Variants in PTPN2 observed in about 807,000 individuals in gnomAD.
The protein encoded by PTPN2 is protein tyrosine phosphatase non-receptor type 2, also known as tyrosine-protein phosphatase non-receptor type 2.
PTPN2 carries 19 observed loss-of-function variants against 57.3 expected under a neutral mutation model. That is an observed-to-expected ratio of 0.33 (90% CI 0.23 to 0.49). PTPN2 has a LOEUF of 0.49. Ranked by LOEUF, PTPN2 falls within the 20% of genes least tolerant of loss-of-function variation. The pLI, the probability that PTPN2 is intolerant of heterozygous loss-of-function variation, is 0.99. For missense variants in PTPN2, 358 were observed against 501.1 expected (o/e 0.71, Z 2.73); for synonymous variants, 153 against 164.9 (o/e 0.93, Z 0.55).
intron 5 of PTPN2, among the ~76,000 whole-genome samples, chr18:12,820,331 T>A (rs7242788): frequency 0.29 from 43,530 of 151,924 alleles, 6,799 homozygotes; most frequent in South Asian, 0.55. Context: ...AGAAACAAGA[T>A]TAAAAAAACA....
chr18:12,878,615 T>C (rs1269396513), intron 1 of PTPN2, among the ~76,000 whole-genome samples: 1 of 151,972 alleles, frequency 6.6e-6, no homozygotes. Context: ...GAGGTTGCAG[T>C]GAGCTGAGAT....
intron 2 of PTPN2, among the ~76,000 whole-genome samples, chr18:12,843,264 A>G (rs3826557): frequency 6.6e-6 from 1 of 152,124 alleles, no homozygotes; most frequent in Admixed American, 6.5e-5. Context: ...TGTCTGTCAA[A>G]ATCAGTGGCT....
downstream of PTPN2, among the ~76,000 whole-genome samples, chr18:12,788,841 T>C (rs2040911195): frequency 6.6e-6 from 1 of 152,262 alleles, no homozygotes; most frequent in South Asian, 2.1e-4. Flanking sequence ...TGCTCAATGC[T>C]GTTCTTGGAG....
chr18:12,807,571 A>G (rs1188148051), intron 7 of PTPN2, among the ~76,000 whole-genome samples: 538 of 45,452 alleles, frequency 0.012, 8 homozygotes, highest in African/African-American at 0.032. Flanking sequence ...AAATGTGGAA[A>G]AAAAAAAAAA....
chr18:12,849,615 T>C lies in PTPN2; in HGVS notation c.160+9549A>G, dbSNP rs147205661. On this transcript the variant is annotated intron_variant, in intron 2 of 8. Transcript: ENST00000309660. ...TATTCTAATGTTAGCTACCCTTACA[T>C]TCCTGAAATAAACTTAATGTGAACA... is the stretch of plus-strand genomic sequence containing the variant. 3.7e-4 allele frequency among the ~76,000 whole-genome samples: 56 copies of C among 152,340 alleles called. 1 individual carries two copies. Among genetic ancestry groups the C allele is most frequent in the African/African-American group, 1.3e-3 (53 of 41,588 alleles).
chr18:12,868,746 G>A (rs982521306), intron 1 of PTPN2, among the ~76,000 whole-genome samples: 2 of 150,170 alleles, frequency 1.3e-5, no homozygotes, highest in Admixed American at 6.6e-5. Flanking sequence ...CAGGTGATCT[G>A]CCCGCTTCAG....
chr18:12,875,844 G>A (rs1265811608), intron 1 of PTPN2, among the ~76,000 whole-genome samples: 2 of 152,214 alleles, frequency 1.3e-5, no homozygotes, highest in African/African-American at 4.8e-5. Context: ...GCAGGGGACT[G>A]AGAGAGCTGT....
intron 8 of PTPN2, among the ~76,000 whole-genome samples, chr18:12,798,820 G>C (rs1568081035): frequency 2.0e-5 from 3 of 152,134 alleles, no homozygotes; most frequent in African/African-American, 2.4e-5. Flanking sequence ...TTAGGTCTTT[G>C]AGGAATCACC....
In PTPN2 at chr18:12,793,018, T is replaced by G; in HGVS notation, c.*1260A>C. Reference sequence around the variant, plus strand: ...AGTAACCTCTTGACCCACCTGGACATCCAATGAGCATAGTTTGAAAACCAC... The same window carrying G: ...AGTAACCTCTTGACCCACCTGGACAGCCAATGAGCATAGTTTGAAAACCAC... On this transcript the variant is annotated 3_prime_UTR_variant, in exon 9 of 9. Coordinates refer to ENST00000309660, the MANE Select transcript of PTPN2 (RefSeq NM_002828.4). 1 of 985,326 alleles carries G rather than the reference T, an allele frequency of 1.0e-6. No homozygotes were observed. Among genetic ancestry groups the G allele is most frequent in the Non-Finnish European group, 1.2e-6 (1 of 829,822 alleles). 61.0% of individuals were successfully genotyped at this position (985,326 alleles called of 1,614,324 possible). A position where few individuals can be genotyped will look rare whatever the true frequency, so the allele number is the denominator to read the frequency against.
chr18:12,854,630 A>G (rs756866853), intron 2 of PTPN2, among the ~76,000 whole-genome samples: 1 of 152,172 alleles, frequency 6.6e-6, no homozygotes, highest in Admixed American at 6.5e-5. Flanking sequence ...GATGACTTGG[A>G]TACACAGACC....
intron 7 of PTPN2, among the ~76,000 whole-genome samples, chr18:12,805,695 G>A (rs1301027239): frequency 4.1e-5 from 6 of 146,506 alleles, no homozygotes; most frequent in Non-Finnish European, 6.0e-5. Context: ...CTGGAGTGCA[G>A]TGGCATGATC....
intron 3 of PTPN2, among the ~76,000 whole-genome samples, chr18:12,833,585 A>T (rs2042744651): frequency 1.3e-5 from 2 of 152,308 alleles, no homozygotes; most frequent in Non-Finnish European, 2.9e-5. Flanking sequence ...AGGCCCTCCA[A>T]GCATAAGGCA....
intron 8 of PTPN2, among the ~76,000 whole-genome samples, chr18:12,801,394 T>C (rs1258635023): frequency 6.6e-6 from 1 of 151,734 alleles, no homozygotes; most frequent in Non-Finnish European, 1.5e-5. Flanking sequence ...GCGCCTGTAA[T>C]CCCAGCTACA....
intron 6 of PTPN2, 53 bp downstream of exon 6, chr18:12,817,103 A>C: frequency 6.5e-7 from 1 of 1,527,202 alleles, no homozygotes; most frequent in Non-Finnish European, 9.0e-7. Context: ...CAGTGGAAGC[A>C]ATTTAAAAAA....
chr18:12,872,939 G>A (rs571012543), intron 1 of PTPN2, among the ~76,000 whole-genome samples: 1 of 152,178 alleles, frequency 6.6e-6, no homozygotes, highest in Non-Finnish European at 1.5e-5. Flanking sequence ...GAATGTAACA[G>A]GCTGGACGCG....
intron 1 of PTPN2, among the ~76,000 whole-genome samples, chr18:12,872,899 G>A (rs934911175): frequency 6.6e-6 from 1 of 152,134 alleles, no homozygotes; most frequent in African/African-American, 2.4e-5. Context: ...TTCAGATAAT[G>A]GCACTGCAGG....
intron 5 of PTPN2, among the ~76,000 whole-genome samples, chr18:12,825,240 T>C (rs961262079): frequency 6.6e-6 from 1 of 152,172 alleles, no homozygotes; most frequent in Non-Finnish European, 1.5e-5. Flanking sequence ...TCCAACTCAA[T>C]AGGGACAAAT....
At chr18:12,832,465 A>G (rs1252026184) in intron 3 of PTPN2, among the ~76,000 whole-genome samples, 1 of 152,168 alleles carries the variant, frequency 6.6e-6, no homozygotes, top group Non-Finnish European at 1.5e-5. Flanking sequence ...TGTAGCAGAT[A>G]CTCAATAAAT....
chr18:12,809,191 G>A (rs2041805440), intron 7 of PTPN2, among the ~76,000 whole-genome samples: 1 of 152,170 alleles, frequency 6.6e-6, no homozygotes, highest in Admixed American at 6.6e-5. Context: ...GGACCAAGAT[G>A]AAGACAAATT....
Sources: gnomAD v4.1 joint callset for allele counts (sites outside exome capture counted in the v4.1 genomes callset) on GRCh38, gnomAD v4.1.1 for gene constraint, MANE v1.5 for transcripts, NCBI Gene and HGNC (gene_info 2026-07-23, HGNC 2026-07-21) for gene names.